PLA2R1: variants seen among roughly 807,000 people sequenced by gnomAD.
PLA2R1 encodes the protein secretory phospholipase A2 receptor.
PLA2R1 carries 158 observed loss-of-function variants against 195.9 expected under a neutral mutation model. The ratio of observed to expected loss-of-function variants is 0.81; its 90% CI spans 0.71 to 0.92. The LOEUF (loss-of-function observed/expected upper bound fraction) is 0.92, where lower values mean the gene tolerates loss of function less well. PLA2R1 is among the 40% of genes least tolerant of loss of function. The pLI, the probability that PLA2R1 is intolerant of heterozygous loss-of-function variation, is 0.00. For synonymous variants in PLA2R1, 586 were observed against 598.2 expected (o/e 0.98, Z 0.30); for missense variants, 1,626 against 1,764.6 (o/e 0.92, Z 1.41).
At chr2:159,961,752 C>T (rs1387438286) in intron 20 of PLA2R1, among the ~76,000 whole-genome samples, 7 of 152,070 alleles carry the variant, frequency 4.6e-5, no homozygotes, top group East Asian at 3.9e-4. Flanking sequence ...ACACTCTCTA[C>T]GTGTGTACAG....
chr2:160,005,306 A>T (rs1691898703), intron 11 of PLA2R1, among the ~76,000 whole-genome samples: 1 of 151,446 alleles, frequency 6.6e-6, no homozygotes, highest in Admixed American at 6.6e-5. Flanking sequence ...GTGGTGGCGC[A>T]TGCCTGTGGT....
At chr2:159,945,638 GAA>G (rs1374411950) in intron 27 of PLA2R1, among the ~76,000 whole-genome samples, 1 of 152,124 alleles carries the variant, frequency 6.6e-6, no homozygotes, top group Non-Finnish European at 1.5e-5. Context: ...TTGCTATTGT[GAA>G]TAGTGCCGCA....
At chr2:159,991,607 TC>T (rs1690803152) in intron 11 of PLA2R1, among the ~76,000 whole-genome samples, 1 of 93,756 alleles carries the variant, frequency 1.1e-5, no homozygotes, top group Non-Finnish European at 2.2e-5. Flanking sequence ...ATGCTATCCC[TC>T]CCCCCTCCCC....
At chr2:160,059,662 C>T (rs537294280) in intron 1 of PLA2R1, among the ~76,000 whole-genome samples, 12 of 152,242 alleles carry the variant, frequency 7.9e-5, no homozygotes, top group Non-Finnish European at 1.5e-4. Context: ...CATTTTCACA[C>T]TGCTGAAAAA....
intron 13 of PLA2R1, among the ~76,000 whole-genome samples, chr2:159,982,368 C>T (rs1035906085): frequency 2.0e-5 from 3 of 152,156 alleles, no homozygotes; most frequent in African/African-American, 4.8e-5. Context: ...AAAGGTGTCC[C>T]GACCAAGTGT....
intron 1 of PLA2R1, among the ~76,000 whole-genome samples, chr2:160,058,874 A>G (rs1232763314): frequency 6.6e-6 from 1 of 152,182 alleles, no homozygotes; most frequent in African/African-American, 2.4e-5. Flanking sequence ...GGATGACTCA[A>G]GTGCATTACA....
rs1319770172 is a variant in PLA2R1, at chr2:159,956,573, C to G, written c.2959G>C (p.Ala987Pro). 3.7e-6 allele frequency: 6 copies of G among 1,613,750 alleles called. No homozygotes were observed. In the African/African-American group the frequency reaches 8.0e-5, roughly 22 times the overall value. ...CCTTCTTCAGCACAGAAATGTTGAG[C>G]ATGCGTCCAGTTCTTCCAACTGCTT... The part of the protein sequence containing the change: ...DPSSWKNWTH[A>P]QHFCAEEGGT... The change falls in exon 21 of 30, where the codon GCT (alanine) becomes CCT (proline). Residue 987 changes from alanine to proline, a missense_variant. Ala to Pro is a conservative substitution (Grantham distance 27). Transcript: ENST00000283243.
At chr2:159,949,868 T>C in intron 24 of PLA2R1, 92 bp from the exon 25 acceptor site, 2 of 991,358 alleles carry the variant, frequency 2.0e-6, no homozygotes, top group Admixed American at 2.0e-5. Flanking sequence ...CCCACATCGA[T>C]TGCTATTTCT....
At chr2:159,967,477 C>T in intron 20 of PLA2R1, 62 bp downstream of exon 20, 2 of 1,445,898 alleles carry the variant, frequency 1.4e-6, no homozygotes, top group Non-Finnish European at 1.9e-6. Flanking sequence ...ACTTTTTGAA[C>T]ACTTTCCAAA....
At chr2:160,002,312 G>A (rs905451871) in intron 11 of PLA2R1, among the ~76,000 whole-genome samples, 2 of 151,978 alleles carry the variant, frequency 1.3e-5, no homozygotes, top group Non-Finnish European at 2.9e-5. Context: ...TTGGAAGGAA[G>A]TAGGAAGCCT....
At chr2:159,924,493 T>C in the PLA2R1 span, among the ~76,000 whole-genome samples, 2 of 152,190 alleles carry the variant, frequency 1.3e-5, no homozygotes, top group Non-Finnish European at 2.9e-5. Flanking sequence ...GGGGAGTAGC[T>C]TCATGTCAGG....
chr2:159,977,594 T>A (rs994055402), intron 14 of PLA2R1, among the ~76,000 whole-genome samples, 178 bp from the exon 15 acceptor site: 1 of 126,802 alleles, frequency 7.9e-6, no homozygotes. Context: ...CTAATCAATA[T>A]TTAGCATTTT....
chr2:159,969,833 G>A (rs566278880), intron 18 of PLA2R1, among the ~76,000 whole-genome samples: 8 of 151,986 alleles, frequency 5.3e-5, no homozygotes, highest in Admixed American at 1.3e-4. Context: ...GTGAACCACC[G>A]CGCCCAGCTA....
intron 13 of PLA2R1, among the ~76,000 whole-genome samples, chr2:159,982,501 T>C (rs1289617665): frequency 1.3e-5 from 2 of 152,338 alleles, no homozygotes; most frequent in Non-Finnish European, 2.9e-5. Context: ...AAGTGCTTCC[T>C]TCTAGAACCC....
chr2:160,062,471 C>A lies in PLA2R1; in HGVS notation c.-68G>T. 1 of 1,458,622 alleles carries A rather than the reference C, an allele frequency of 6.9e-7. No homozygotes were observed. The highest frequency in any genetic ancestry group is 9.0e-7 in the Non-Finnish European group (1 of 1,108,754). 90.4% of individuals were successfully genotyped at this position (1,458,622 alleles called of 1,614,324 possible). ...CCCTTATCCCGGGAGCCCAGAGCCGCGTCCCAAGCACCCGGCCCCGCCGCG... is the reference window on the plus strand; with the variant it reads ...CCCTTATCCCGGGAGCCCAGAGCCGAGTCCCAAGCACCCGGCCCCGCCGCG... On this transcript the variant is annotated 5_prime_UTR_variant, in exon 1 of 30. Coordinates refer to ENST00000283243, the MANE Select transcript of PLA2R1 (RefSeq NM_007366.5).
chr2:160,060,662 T>A (rs1695890232), intron 1 of PLA2R1, among the ~76,000 whole-genome samples: 1 of 152,170 alleles, frequency 6.6e-6, no homozygotes, highest in Non-Finnish European at 1.5e-5. Flanking sequence ...CCTTGACTAC[T>A]AAAAAGAAGG....
intron 9 of PLA2R1, among the ~76,000 whole-genome samples, chr2:160,015,244 A>C (rs1410842577): frequency 1.3e-5 from 2 of 152,232 alleles, no homozygotes; most frequent in Non-Finnish European, 2.9e-5. Context: ...AAAGTGACTC[A>C]GAAGGAAAAA....
intron 3 of PLA2R1, among the ~76,000 whole-genome samples, chr2:160,034,945 T>C (rs1316751327): frequency 6.6e-6 from 1 of 152,160 alleles, no homozygotes; most frequent in African/African-American, 2.4e-5. Flanking sequence ...ACACCTGACC[T>C]CGTGATGGGT....
intron 11 of PLA2R1, among the ~76,000 whole-genome samples, chr2:159,997,456 A>G (rs1319289501): frequency 1.3e-5 from 2 of 152,066 alleles, no homozygotes; most frequent in African/African-American, 4.8e-5. Context: ...GGGCCTTGTT[A>G]AGAACAGAAT....
Sources: allele counts gnomAD v4.1 joint callset (sites outside exome capture counted in the v4.1 genomes callset), GRCh38; gene constraint gnomAD v4.1.1; transcripts MANE v1.5; gene names NCBI Gene and HGNC (gene_info 2026-07-23, HGNC 2026-07-21).